PPP5C: variants seen among roughly 807,000 people sequenced by gnomAD.
PPP5C encodes the protein protein phosphatase 5 catalytic subunit.
In PPP5C, 21 loss-of-function variants were observed where a neutral mutation model predicts 66.7. The observed-to-expected ratio is 0.31, with a 90% CI of 0.22 to 0.45. The LOEUF (loss-of-function observed/expected upper bound fraction) is 0.45. Among genes scored for constraint, PPP5C ranks in the 20% least tolerant of loss-of-function variants. The probability of loss-of-function intolerance (pLI) is 1.00; values close to 1 mark genes in which losing one functional copy is unlikely to be tolerated. For synonymous variants in PPP5C, 246 were observed against 257.4 expected (o/e 0.96, Z 0.43); for missense variants, 464 against 675.9 (o/e 0.69, Z 3.48).
chr19:46,354,136 A>G, intron 2 of PPP5C, 147 bp downstream of exon 2: 1 of 1,246,684 alleles, frequency 8.0e-7, no homozygotes, highest in East Asian at 2.6e-5. Flanking sequence ...GGCCCAGGCC[A>G]GAGTACCCAG....
Position 46,376,354 on chromosome 19 carries a change from G to A in PPP5C, c.512-99G>A. On this transcript the variant is annotated intron_variant, in intron 3 of 12. Coordinates refer to ENST00000012443, the MANE Select transcript of PPP5C (RefSeq NM_006247.4). The surrounding 1 kb of genome is among the most constrained non-coding windows in gnomAD (Gnocchi z 5.1). Reference sequence around the variant, plus strand: ...ACTCTGTCCCGCTCTCGACCTGTGTGTCCACACCCAAGTTTTCCCCATCCC... The same window carrying A: ...ACTCTGTCCCGCTCTCGACCTGTGTATCCACACCCAAGTTTTCCCCATCCC... 1 of 1,494,060 alleles carries A rather than the reference G, an allele frequency of 6.7e-7. No individual in the cohort carries two copies. Among genetic ancestry groups the A allele is most frequent in the Non-Finnish European group, 9.2e-7 (1 of 1,092,582 alleles). 92.6% of individuals were successfully genotyped at this position (1,494,060 alleles called of 1,614,324 possible). A position where few individuals can be genotyped will look rare whatever the true frequency, so the allele number is the denominator to read the frequency against.
At chr19:46,369,872 GCCGA>G (rs1972555700) in intron 2 of PPP5C, among the ~76,000 whole-genome samples, 1 of 147,116 alleles carries the variant, frequency 6.8e-6, no homozygotes, top group Non-Finnish European at 1.5e-5. Context: ...GTTACAGTGA[GCCGA>G]GATCAAGCCA....
Position 46,357,718 on chromosome 19 carries a change from T to G in PPP5C, c.363+3729T>G, listed in dbSNP as rs573169257. Among the ~76,000 whole-genome samples the G allele has an allele frequency of 1.6e-4, 25 of 152,318 alleles. No homozygotes were observed. In the South Asian group the frequency reaches 2.3e-3, roughly 14 times the overall value. Reference sequence around the variant, plus strand: ...AATTCAGAGAAACACATTTACCAGCTTATTATAAAGGCTGCTACAAAGGAT... The same window carrying G: ...AATTCAGAGAAACACATTTACCAGCGTATTATAAAGGCTGCTACAAAGGAT... On this transcript the variant is annotated intron_variant, in intron 2 of 12. Coordinates refer to ENST00000012443, the MANE Select transcript of PPP5C (RefSeq NM_006247.4).
intron 2 of PPP5C, among the ~76,000 whole-genome samples, chr19:46,354,400 CTCT>C (rs1331716998): frequency 2.0e-5 from 3 of 152,186 alleles, no homozygotes; most frequent in African/African-American, 2.4e-5. Flanking sequence ...CACACAGCCT[CTCT>C]TCTTCTGGTG....
At chr19:46,375,198 G>A (rs1375032230) in intron 2 of PPP5C, among the ~76,000 whole-genome samples, 1 of 152,150 alleles carries the variant, frequency 6.6e-6, no homozygotes, top group African/African-American at 2.4e-5. Flanking sequence ...AGTCTGGGCT[G>A]TTCTGTGACC....
intron 2 of PPP5C, among the ~76,000 whole-genome samples, chr19:46,355,074 C>G (rs1972260675): frequency 6.6e-6 from 1 of 152,222 alleles, no homozygotes; most frequent in Admixed American, 6.5e-5. Context: ...GAAACAGTCC[C>G]TAAGGGGTGA....
At chr19:46,390,181 A>G (rs754530930) in intron 12 of PPP5C, 49 bp downstream of exon 12, 3 of 1,609,564 alleles carry the variant, frequency 1.9e-6, no homozygotes, top group South Asian at 1.1e-5. Context: ...GCCTGGGGAC[A>G]AGGAGGCTGA....
chr19:46,365,185 G>T (rs1350882717), intron 2 of PPP5C, among the ~76,000 whole-genome samples: 1 of 152,132 alleles, frequency 6.6e-6, no homozygotes, highest in Non-Finnish European at 1.5e-5. Context: ...GTTTCATGAT[G>T]TTGGCCAGGC....
rs1973011354 is a variant in PPP5C at position 46,390,905 on chromosome 19, G to A, written c.*559G>A. 11 of 1,172,008 alleles carry A rather than the reference G, an allele frequency of 9.4e-6. No individual in the cohort carries two copies. The South Asian group carries it at 1.8e-4, about 19-fold the overall frequency. 72.6% of individuals were successfully genotyped at this position (1,172,008 alleles called of 1,614,324 possible). A position where few individuals can be genotyped will look rare whatever the true frequency, so the allele number is the denominator to read the frequency against. On this transcript the variant is annotated 3_prime_UTR_variant, in exon 13 of 13. Transcript: ENST00000012443. ...GAGCTGCCCGGGTTGGGTTACGCCT[G>A]CTCAGGAGATCCGGAGGGTGGGGAG...
intron 4 of PPP5C, among the ~76,000 whole-genome samples, chr19:46,381,168 T>C (rs891966230): frequency 1.3e-5 from 2 of 152,080 alleles, no homozygotes; most frequent in Non-Finnish European, 2.9e-5. Flanking sequence ...ATTTCTTACA[T>C]TGTATTTTTT....
At chr19:46,372,166 G>A (rs962856398) in intron 2 of PPP5C, among the ~76,000 whole-genome samples, 2 of 152,102 alleles carry the variant, frequency 1.3e-5, no homozygotes, top group African/African-American at 4.8e-5. Flanking sequence ...CTATGATAGA[G>A]CATGTACACA....
intron 1 of PPP5C, among the ~76,000 whole-genome samples, chr19:46,353,175 C>T (rs950062692): frequency 6.6e-6 from 1 of 152,192 alleles, no homozygotes; most frequent in African/African-American, 2.4e-5. Context: ...TCCTTACTCC[C>T]GTGGAGACAT....
In PPP5C at chr19:46,388,510, C is replaced by T. The variant is rs187596376; in HGVS notation, c.1177-43C>T. ...GGCTGTGGCAGCAGGTGGAGGCAGACAGTCACCCTGAACCCCTGTCTCTCC... is the reference window on the plus strand; with the variant it reads ...GGCTGTGGCAGCAGGTGGAGGCAGATAGTCACCCTGAACCCCTGTCTCTCC... On this transcript the variant is annotated intron_variant, in intron 10 of 12. Coordinates refer to ENST00000012443, the MANE Select transcript of PPP5C (RefSeq NM_006247.4). The surrounding 1 kb of genome is among the most constrained non-coding windows in gnomAD (Gnocchi z 4.9). 64 of 1,610,534 alleles carry T rather than the reference C, an allele frequency of 4.0e-5. No individual in the cohort carries two copies. In the Middle Eastern group the frequency reaches 1.8e-3, roughly 46 times the overall value.
rs138486888 is a variant in PPP5C at position 46,388,054 on chromosome 19, A to G, written c.1136-354A>G. 1,813 of 300,644 alleles carry G rather than the reference A, an allele frequency of 6.0e-3. 12 individuals carry two copies. Among genetic ancestry groups the G allele is most frequent in the South Asian group, 7.3e-3 (114 of 15,642 alleles). 18.6% of individuals were successfully genotyped at this position (300,644 alleles called of 1,614,324 possible). ...ATGGGGTTCACTGGGCCCAAATCCT[A>G]TGGCGCTTTACAGGCCCCAGTGAGG... is the stretch of plus-strand genomic sequence containing the variant. On this transcript the variant is annotated intron_variant, in intron 9 of 12. Transcript: ENST00000012443. The surrounding 1 kb of genome is among the most constrained non-coding windows in gnomAD (Gnocchi z 4.9).
Position 46,390,556 on chromosome 19 carries a change from A to T in PPP5C, c.*210A>T. On this transcript the variant is annotated 3_prime_UTR_variant, in exon 13 of 13. Transcript: ENST00000012443. ...GGGTCTGCTCCCTGGACAGAGAGGA[A>T]GGAGGTGGAGCAGCTGGGGCTGGGG... 2.9e-6 allele frequency: 4 copies of T among 1,362,464 alleles called. No individual in the cohort carries two copies. Among genetic ancestry groups the T allele is most frequent in the Non-Finnish European group, 2.9e-6 (3 of 1,050,858 alleles). 84.4% of individuals were successfully genotyped at this position (1,362,464 alleles called of 1,614,324 possible). A position where few individuals can be genotyped will look rare whatever the true frequency, so the allele number is the denominator to read the frequency against.
chr19:46,367,689 C>T (rs1053737333), intron 2 of PPP5C, among the ~76,000 whole-genome samples: 4 of 152,156 alleles, frequency 2.6e-5, no homozygotes, highest in East Asian at 1.9e-4. Flanking sequence ...CGGTGGGAAC[C>T]GCAGTCACTC....
At chr19:46,375,544 G>T (rs1178699456) in intron 2 of PPP5C, 60 bp from the exon 3 acceptor site, 1 of 1,593,718 alleles carries the variant, frequency 6.3e-7, no homozygotes, top group Non-Finnish European at 8.5e-7. Flanking sequence ...GGGCAGCCTG[G>T]GGGCAACCGC....
At chr19:46,368,994 A>G (rs1419844036) in intron 2 of PPP5C, among the ~76,000 whole-genome samples, 3 of 152,134 alleles carry the variant, frequency 2.0e-5, no homozygotes, top group Non-Finnish European at 4.4e-5. Context: ...GCATTTTACT[A>G]ATTGGACCTA....
At position 46,383,277 on chromosome 19, in the gene PPP5C, C is replaced by G; in HGVS notation, c.634-134C>G. On this transcript the variant is annotated intron_variant, in intron 4 of 12. Coordinates refer to ENST00000012443, the MANE Select transcript of PPP5C (RefSeq NM_006247.4). The surrounding 1 kb of genome is among the most constrained non-coding windows in gnomAD (Gnocchi z 5.0). Reference sequence around the variant, plus strand: ...CTGCTCCCGCTCCCCCAGGCCTGCCCTGCCCTTTTTCTTCTCTCCCTGCTT... The same window carrying G: ...CTGCTCCCGCTCCCCCAGGCCTGCCGTGCCCTTTTTCTTCTCTCCCTGCTT... 1.3e-6 allele frequency: 2 copies of G among 1,548,630 alleles called. No homozygotes were observed. Among genetic ancestry groups the G allele is most frequent in the East Asian group, 4.9e-5 (2 of 40,872 alleles).
Sources: gnomAD v4.1 joint callset for allele counts (sites outside exome capture counted in the v4.1 genomes callset) on GRCh38, gnomAD v4.1.1 for gene constraint, Gnocchi (gnomAD v3.1) non-coding constraint, MANE v1.5 for transcripts, NCBI Gene and HGNC (gene_info 2026-07-23, HGNC 2026-07-21) for gene names.